HERC2: variants seen among roughly 807,000 people sequenced by gnomAD.
HERC2 encodes E3 ubiquitin-protein ligase HERC2.
Under a neutral mutation model 537.7 loss-of-function variants are expected in HERC2, and 102 were observed. The observed-to-expected ratio is 0.19, with a 90% CI of 0.16 to 0.22. The LOEUF is 0.22. Among genes scored for constraint, HERC2 ranks in the 10% least tolerant of loss-of-function variants. The probability of loss-of-function intolerance (pLI) is 1.00; values close to 1 mark genes in which losing one functional copy is unlikely to be tolerated. For missense variants in HERC2, 4,236 were observed against 6,198.2 expected (o/e 0.68, Z 10.63); for synonymous variants, 2,224 against 2,466.2 (o/e 0.90, Z 2.91).
At chr15:28,170,055 CG>C (rs1433476316) in intron 65 of HERC2, among the ~76,000 whole-genome samples, 6 of 152,218 alleles carry the variant, frequency 3.9e-5, no homozygotes, top group African/African-American at 1.4e-4. Context: ...AGGCTCACTT[CG>C]TTGTGAACTC....
At chr15:28,125,892 A>T (rs780419430) in intron 83 of HERC2, among the ~76,000 whole-genome samples, 17 of 152,006 alleles carry the variant, frequency 1.1e-4, no homozygotes, top group Non-Finnish European at 2.5e-4. Context: ...GCTCACCGCA[A>T]CCTCCGCCTC....
At chr15:28,179,456 C>G (rs1189719862) in intron 57 of HERC2, among the ~76,000 whole-genome samples, 1 of 152,178 alleles carries the variant, frequency 6.6e-6, no homozygotes, top group Non-Finnish European at 1.5e-5. Flanking sequence ...CAACCTATTC[C>G]TCATGTGTCT....
At chr15:28,151,923 A>G (rs1451204984) in intron 70 of HERC2, among the ~76,000 whole-genome samples, 1 of 152,234 alleles carries the variant, frequency 6.6e-6, no homozygotes, top group East Asian at 1.9e-4. Context: ...TCTTTACAGG[A>G]AAGTATTCCA....
rs373672636 is a variant in HERC2 at position 28,270,803 on chromosome 15, G to A, written c.1149C>T (p.Asn383=). The A allele has an allele frequency of 1.6e-5, 26 of 1,613,848 alleles. No homozygotes were observed. Among genetic ancestry groups the A allele is most frequent in the Middle Eastern group, 1.6e-4 (1 of 6,076 alleles). ...FLRYLTLPQD[N]ELAIDLRQTA... is the part of the protein sequence containing the mutation. Reference sequence around the variant, plus strand: ...TTTGTCGCAGATCAATGGCAAGCTCGTTGTCTTGTGGAAGGGTGAGGTACC... The same window carrying A: ...TTTGTCGCAGATCAATGGCAAGCTCATTGTCTTGTGGAAGGGTGAGGTACC... Residue 383 remains asparagine, a synonymous_variant, in exon 10 of 93, where the codon AAC becomes AAT. Transcript: ENST00000261609.
chr15:28,184,279 A>G (rs1896095349), intron 56 of HERC2, among the ~76,000 whole-genome samples: 2 of 152,158 alleles, frequency 1.3e-5, no homozygotes, highest in South Asian at 2.1e-4. Context: ...GATATTCAAG[A>G]TATTTAATGT....
intron 69 of HERC2, among the ~76,000 whole-genome samples, chr15:28,157,512 A>G (rs1282783132): frequency 2.6e-5 from 4 of 151,834 alleles, no homozygotes; most frequent in Non-Finnish European, 4.4e-5. Context: ...TTTCTTCTAG[A>G]TTTTCTAGTT....
chr15:28,267,585 T>C (rs1184014019), intron 12 of HERC2, among the ~76,000 whole-genome samples: 5 of 152,220 alleles, frequency 3.3e-5, no homozygotes, highest in Non-Finnish European at 7.3e-5. Flanking sequence ...TCGTCTTAGA[T>C]TTGTCTGAAT....
At position 28,240,819 on chromosome 15, in the gene HERC2, G is replaced by A. The variant is rs117587984; in HGVS notation, c.3578-2047C>T. On this transcript the variant is annotated intron_variant, in intron 23 of 92. Transcript: ENST00000261609. ...GAAAGAAGAGCCTTTTCAATGCATG[G>A]TACTGGGAAATCCAGACATGCACAT... Among the ~76,000 whole-genome samples the A allele has an allele frequency of 3.9e-3, 587 of 152,298 alleles. 16 individuals are homozygous for A. The highest frequency in any genetic ancestry group is 1.1e-3 in the Non-Finnish European group (74 of 68,036).
chr15:28,167,935 T>C (rs1315018641), intron 67 of HERC2, 108 bp from the exon 68 acceptor site: 2 of 1,234,138 alleles, frequency 1.6e-6, no homozygotes, highest in East Asian at 2.4e-5. Context: ...TTGGGCTGTT[T>C]AGAATGTTCC....
rs377587657 is a variant in HERC2, at chr15:28,233,719, G to A, written c.4296C>T (p.Pro1432=). 2.2e-5 allele frequency: 36 copies of A among 1,613,446 alleles called. No homozygotes were observed. Among genetic ancestry groups the A allele is most frequent in the African/African-American group, 4.0e-5 (3 of 74,888 alleles). The change falls in exon 28 of 93, where the codon CCC becomes CCT. Residue 1432 remains proline (P), a synonymous_variant. Coordinates refer to ENST00000261609, the MANE Select transcript of HERC2 (RefSeq NM_004667.6). ...ACAACAAGCGACCGACCTCTTCCAC[G>A]GGATGCTCGGGGGGAAACATGATCG... ...TTPIMFPPEH[P]VEEVGRLLLC...
At chr15:28,198,871 G>C in intron 48 of HERC2, 102 bp from the exon 49 acceptor site, 1 of 1,113,438 alleles carries the variant, frequency 9.0e-7, no homozygotes. Context: ...ATTCTGACTG[G>C]GCATGGTGGC....
At chr15:28,225,777 C>T (rs987642033) in intron 35 of HERC2, among the ~76,000 whole-genome samples, 6 of 151,110 alleles carry the variant, frequency 4.0e-5, no homozygotes, top group South Asian at 2.1e-4. Flanking sequence ...ACAGTACTAC[C>T]AACTTAAAAT....
At position 28,206,156 on chromosome 15, in the gene HERC2, T is replaced by A; in HGVS notation, c.7212+84A>T. The A allele has an allele frequency of 6.2e-6, 5 of 811,528 alleles. 1 individual carries two copies. Among genetic ancestry groups the A allele is most frequent in the South Asian group, 3.1e-5 (2 of 64,764 alleles). 50.3% of individuals were successfully genotyped at this position (811,528 alleles called of 1,614,324 possible). Reference sequence around the variant, plus strand: ...ACTATCATTTAACATTCAGAATAGATCCTTAAGAAAATATACATCTAGAAA... The same window carrying A: ...ACTATCATTTAACATTCAGAATAGAACCTTAAGAAAATATACATCTAGAAA... On this transcript the variant is annotated intron_variant, in intron 45 of 92. Transcript: ENST00000261609.
chr15:28,137,223 C>T lies in HERC2; in HGVS notation c.12016-1531G>A, dbSNP rs186788941. On this transcript the variant is annotated intron_variant, in intron 78 of 92. Coordinates refer to ENST00000261609, the MANE Select transcript of HERC2 (RefSeq NM_004667.6). ...TCTCCTGAGAATTGACACAGAGGGG[C>T]TATATTTCAAACCTTTTTATGAGGC... is the stretch of plus-strand genomic sequence containing the variant. Among the ~76,000 whole-genome samples, 45 of 152,228 alleles carry T rather than the reference C, an allele frequency of 3.0e-4. 1 individual carries two copies. The East Asian group carries it at 7.2e-3, about 24-fold the overall frequency.
intron 20 of HERC2, among the ~76,000 whole-genome samples, chr15:28,253,179 A>ACGGT (rs112365065): frequency 5.2e-4 from 79 of 152,062 alleles, no homozygotes; most frequent in Admixed American, 2.9e-3. Flanking sequence ...TTTACACAAC[A>ACGGT]CTGACCGTTT....
intron 90 of HERC2, among the ~76,000 whole-genome samples, chr15:28,114,081 A>AC (rs1887957215): frequency 1.3e-5 from 2 of 152,180 alleles, no homozygotes; most frequent in Admixed American, 1.3e-4. Context: ...GACTACCCCC[A>AC]CCAGAGCCCA....
intron 23 of HERC2, among the ~76,000 whole-genome samples, chr15:28,245,564 T>TACACACACAC (rs1232976281): frequency 2.8e-5 from 3 of 108,950 alleles, no homozygotes; most frequent in Non-Finnish European, 5.0e-5. Flanking sequence ...AAAAAAAATA[T>TACACACACAC]ATACACACAC....
chr15:28,239,322 C>T (rs1902801863), intron 23 of HERC2, among the ~76,000 whole-genome samples: 1 of 152,060 alleles, frequency 6.6e-6, no homozygotes, highest in Admixed American at 6.6e-5. Context: ...AAAAGAAAAA[C>T]ACCAAATCAA....
At chr15:28,191,544 C>T (rs1896855013) in intron 53 of HERC2, among the ~76,000 whole-genome samples, 1 of 152,146 alleles carries the variant, frequency 6.6e-6, no homozygotes, top group Admixed American at 6.5e-5. Context: ...TGGAGAAAGG[C>T]CCTGTCCTAA....
Sources: gnomAD v4.1 joint callset for allele counts (sites outside exome capture counted in the v4.1 genomes callset) on GRCh38, gnomAD v4.1.1 for gene constraint, MANE v1.5 for transcripts, NCBI Gene and HGNC (gene_info 2026-07-23, HGNC 2026-07-21) for gene names.